The following TRIP11 variants were observed in gnomAD, a reference collection of about 807,000 sequenced individuals.
TRIP11 encodes thyroid receptor-interacting protein 11.
TRIP11 carries 148 observed loss-of-function variants against 223.1 expected under a neutral mutation model. The ratio of observed to expected loss-of-function variants is 0.66; its 90% CI spans 0.58 to 0.76. The LOEUF (loss-of-function observed/expected upper bound fraction) is 0.76. TRIP11 is among the 30% of genes least tolerant of loss of function. The probability of loss-of-function intolerance (pLI) is 0.00; values close to 1 mark genes in which losing one functional copy is unlikely to be tolerated. For synonymous variants in TRIP11, 762 were observed against 772.6 expected, an observed-to-expected ratio of 0.99 and a Z score of 0.23; for missense variants, 2,043 against 2,222.0, an observed-to-expected ratio of 0.92 and a Z score of 1.62.
intron 1 of TRIP11, 72 bp downstream of exon 1, chr14:92,039,475 A>G (rs1162866723): frequency 1.3e-6 from 2 of 1,555,302 alleles, no homozygotes; most frequent in East Asian, 4.5e-5. Context: ...CTCCTGACTG[A>G]TGGAAGTAGG....
At chr14:91,980,416 GA>G (rs2056522944) in intron 16 of TRIP11, among the ~76,000 whole-genome samples, 1 of 152,208 alleles carries the variant, frequency 6.6e-6, no homozygotes, top group African/African-American at 2.4e-5. Context: ...CACAGAACTT[GA>G]GAGTCAGAAG....
At chr14:91,992,278 A>AT (rs1263262065) in intron 15 of TRIP11, among the ~76,000 whole-genome samples, 10 of 152,070 alleles carry the variant, frequency 6.6e-5, no homozygotes, top group African/African-American at 2.2e-4. Context: ...TAAGGAAGTA[A>AT]TAAACATAAC....
Position 92,039,719 on chromosome 14 carries a change from G to T in TRIP11, c.-34C>A, listed in dbSNP as rs1312028485. The T allele has an allele frequency of 6.2e-7, 1 of 1,601,764 alleles. No homozygotes were observed. The highest frequency in any genetic ancestry group is 8.5e-7 in the Non-Finnish European group (1 of 1,174,114). ...GTTTAGAGAACGACCCGGTCCGCTC[G>T]GAAAAAAGAAAACGTTTAGCGCCGC... is the stretch of plus-strand genomic sequence containing the variant. On this transcript the variant is annotated 5_prime_UTR_variant, in exon 1 of 21. Coordinates refer to ENST00000267622, the MANE Select transcript of TRIP11 (RefSeq NM_004239.4).
chr14:92,029,333 T>C (rs2057233831), intron 2 of TRIP11, among the ~76,000 whole-genome samples: 1 of 126,188 alleles, frequency 7.9e-6, no homozygotes, highest in Non-Finnish European at 1.6e-5. Flanking sequence ...TCTCACTCTG[T>C]CACCCAGGCT....
rs151141985 is a variant in TRIP11, at chr14:91,969,966, T to C, written c.5720-73A>G. The C allele has an allele frequency of 6.6e-4, 889 of 1,344,662 alleles. 9 individuals carry two copies. In the African/African-American group the frequency reaches 0.012, roughly 18 times the overall value. 83.3% of individuals were successfully genotyped at this position (1,344,662 alleles called of 1,614,324 possible). A position where few individuals can be genotyped will look rare whatever the true frequency, so the allele number is the denominator to read the frequency against. On this transcript the variant is annotated intron_variant, in intron 20 of 20. Coordinates refer to ENST00000267622, the MANE Select transcript of TRIP11 (RefSeq NM_004239.4). ...CAAAATGAAATAACTCTGAATGTAA[T>C]AGCATAAAGTTATCTGTGTAATATT... is the stretch of plus-strand genomic sequence containing the variant.
Position 91,999,310 on chromosome 14 carries a change from T to C in TRIP11, c.4822A>G (p.Lys1608Glu), listed in dbSNP as rs1259572754. Residue 1608 changes from lysine to glutamate, a missense_variant, in exon 13 of 21, where the codon AAA becomes GAA. By Grantham distance (56) the Lys-to-Glu change is moderately conservative. Coordinates refer to ENST00000267622, the MANE Select transcript of TRIP11 (RefSeq NM_004239.4). Reference sequence around the variant, plus strand: ...AATACTGTGACTTTCTTTCTTAGTTTAGCCTCTCTATCTTCTGCAGCCAAA... The same window carrying C: ...AATACTGTGACTTTCTTTCTTAGTTCAGCCTCTCTATCTTCTGCAGCCAAA... The part of the protein sequence containing the change: ...EALAAEDREA[K>E]LRKKVTVLEE... 13 of 1,613,844 alleles carry C rather than the reference T, an allele frequency of 8.1e-6. No individual in the cohort carries two copies. The East Asian group carries it at 2.0e-4, about 25-fold the overall frequency.
rs1211763023 is a variant in TRIP11 at position 92,032,339 on chromosome 14, T to C, written c.201+853A>G. ...ATTTTTTTGTATTTTTAGTTAGAGA[T>C]GGGGTTTCACCATGTTGTCCAGGCT... On this transcript the variant is annotated intron_variant, in intron 2 of 20. Transcript: ENST00000267622. 2.6e-5 allele frequency among the ~76,000 whole-genome samples: 4 copies of C among 152,004 alleles called. No homozygotes were observed. In the East Asian group the frequency reaches 5.9e-4, roughly 22 times the overall value.
rs200312566 is a variant in TRIP11 at position 92,004,265 on chromosome 14, G to T, written c.3711C>A (p.His1237Gln). ...GCTCTTCCTGAAGCTGGGCTGACTC[G>T]TGTTGCATATTTTGTACTGTGGTCA... ...QVMTTVQNMQHESAQLQEELH... is the reference protein window; with the variant it reads ...QVMTTVQNMQQESAQLQEELH... The change falls in exon 11 of 21, where the codon CAC (histidine) becomes CAA (glutamine). Residue 1237 changes from histidine to glutamine, a missense_variant. Coordinates refer to ENST00000267622, the MANE Select transcript of TRIP11 (RefSeq NM_004239.4). 6.2e-7 allele frequency: 1 copy of T among 1,614,054 alleles called. No individual in the cohort carries two copies. Among genetic ancestry groups the T allele is most frequent in the South Asian group, 1.1e-5 (1 of 91,064 alleles).
At position 91,978,778 on chromosome 14, in the gene TRIP11, T is replaced by G. The variant is rs890144317; in HGVS notation, c.5261-2589A>C. Among the ~76,000 whole-genome samples the G allele has an allele frequency of 6.6e-6, 1 of 152,176 alleles. No homozygotes were observed. Among genetic ancestry groups the G allele is most frequent in the Non-Finnish European group, 1.5e-5 (1 of 68,034 alleles). On this transcript the variant is annotated intron_variant, in intron 16 of 20. Transcript: ENST00000267622. The surrounding 1 kb of genome is among the most constrained non-coding windows in gnomAD (Gnocchi z 4.4). The stretch of plus-strand genomic sequence containing the variant: ...CCTTCCAAAATGTTGGGATTACAAG[T>G]GTGAGCCACTGTGCCTGTCCCTATA...
At chr14:92,007,271 G>A (rs993666216) in intron 10 of TRIP11, among the ~76,000 whole-genome samples, 3 of 151,990 alleles carry the variant, frequency 2.0e-5, no homozygotes, top group African/African-American at 7.2e-5. Flanking sequence ...TGATCCACCC[G>A]TCTCTGCCTC....
intron 20 of TRIP11, among the ~76,000 whole-genome samples, chr14:91,972,501 T>A (rs2056412065): frequency 6.6e-6 from 1 of 152,216 alleles, no homozygotes; most frequent in Non-Finnish European, 1.5e-5. Context: ...ACCATTTAAA[T>A]TAATCTAAGT....
At chr14:92,032,600 T>A (rs1469733839) in intron 2 of TRIP11, among the ~76,000 whole-genome samples, 1 of 152,122 alleles carries the variant, frequency 6.6e-6, no homozygotes, top group Admixed American at 6.5e-5. Flanking sequence ...TTTGGGAGGC[T>A]AAGGCGGGTG....
At chr14:92,000,597 T>C (rs903657065) in intron 11 of TRIP11, among the ~76,000 whole-genome samples, 1 of 152,194 alleles carries the variant, frequency 6.6e-6, no homozygotes, top group Non-Finnish European at 1.5e-5. Flanking sequence ...AGAATAAGTT[T>C]ATTAGAAATG....
At chr14:92,002,728 C>A (rs1046679612) in intron 11 of TRIP11, among the ~76,000 whole-genome samples, 1 of 152,008 alleles carries the variant, frequency 6.6e-6, no homozygotes, top group South Asian at 2.1e-4. Context: ...AGGCACCCAC[C>A]ACCATGCCTG....
intron 16 of TRIP11, among the ~76,000 whole-genome samples, chr14:91,977,830 C>T (rs1382207415): frequency 3.3e-5 from 5 of 152,118 alleles, no homozygotes; most frequent in South Asian, 2.1e-4. Flanking sequence ...TAAAATGTCT[C>T]GTTTAACTGT....
At position 91,966,941 on chromosome 14, in the gene TRIP11, C is replaced by T. The variant is rs1347891476; in HGVS notation, c.*2732G>A. On this transcript the variant is annotated 3_prime_UTR_variant, in exon 21 of 21. Coordinates refer to ENST00000267622, the MANE Select transcript of TRIP11 (RefSeq NM_004239.4). ...CAGTTAAACGCACTGTTAGCAATGTCCTATTGCCAACATTAGAATTATATG... is the reference window on the plus strand; with the variant it reads ...CAGTTAAACGCACTGTTAGCAATGTTCTATTGCCAACATTAGAATTATATG... 2 of 206,998 alleles carry T rather than the reference C, an allele frequency of 9.7e-6. No homozygotes were observed. The highest frequency in any genetic ancestry group is 4.6e-5 in the African/African-American group (2 of 43,716). 12.8% of individuals were successfully genotyped at this position (206,998 alleles called of 1,614,324 possible).
intron 8 of TRIP11, among the ~76,000 whole-genome samples, chr14:92,011,527 A>G (rs1172911599): frequency 6.6e-6 from 1 of 151,588 alleles, no homozygotes; most frequent in Non-Finnish European, 1.5e-5. Context: ...ACACTTATAA[A>G]AGTGTCTAAA....
In TRIP11 at chr14:91,966,198, T is replaced by C. The variant is rs2056340899; in HGVS notation, c.*3475A>G. On this transcript the variant is annotated 3_prime_UTR_variant, in exon 21 of 21. Transcript: ENST00000267622. ...TTTCCCTAAAAATCAAAAGACAATT[T>C]AAATTGTTTTACATAGAGAAACCTT... 5.7e-6 allele frequency: 1 copy of C among 176,188 alleles called. No individual in the cohort carries two copies. The highest frequency in any genetic ancestry group is 2.4e-5 in the African/African-American group (1 of 42,236). The allele number at this position is 176,188 out of a possible 1,614,324, so 10.9% of individuals were successfully genotyped here.
chr14:91,999,506 T>C (rs2056794431), intron 12 of TRIP11, 73 bp from the exon 13 acceptor site: 3 of 1,477,770 alleles, frequency 2.0e-6, no homozygotes, highest in Non-Finnish European at 1.9e-6. Flanking sequence ...TGTTATCAAA[T>C]CTTTTTCCCA....
Sources: gnomAD v4.1 joint callset for allele counts (sites outside exome capture counted in the v4.1 genomes callset) on GRCh38, gnomAD v4.1.1 for gene constraint, Gnocchi (gnomAD v3.1) non-coding constraint, MANE v1.5 for transcripts, NCBI Gene and HGNC (gene_info 2026-07-23, HGNC 2026-07-21) for gene names.